The following PTPRM variants were observed in gnomAD, a reference collection of about 807,000 sequenced individuals.
PTPRM encodes the protein protein tyrosine phosphatase receptor type M.
A neutral mutation model predicts 186.7 loss-of-function variants in PTPRM; 47 were observed. The ratio of observed to expected loss-of-function variants is 0.25; its 90% CI spans 0.20 to 0.32. PTPRM has a LOEUF of 0.32. Among genes scored for constraint, PTPRM ranks in the 10% least tolerant of loss-of-function variants. The probability of loss-of-function intolerance (pLI) is 1.00; values close to 1 mark genes in which losing one functional copy is unlikely to be tolerated. For missense variants in PTPRM, 1,494 were observed against 1,865.0 expected, an observed-to-expected ratio of 0.80 and a Z score of 3.66; for synonymous variants, 668 against 674.9, an observed-to-expected ratio of 0.99 and a Z score of 0.16.
intron 24 of PTPRM, among the ~76,000 whole-genome samples, chr18:8,372,393 G>T (rs2095668841): frequency 6.6e-6 from 1 of 152,084 alleles, no homozygotes; most frequent in Non-Finnish European, 1.5e-5. Context: ...TATTCTCACT[G>T]CATCTAAATG....
intron 1 of PTPRM, among the ~76,000 whole-genome samples, chr18:7,603,421 G>A (rs1167452473): frequency 1.3e-5 from 2 of 152,228 alleles, no homozygotes; most frequent in African/African-American, 4.8e-5. Flanking sequence ...GCTAACGTTT[G>A]CAGGGCCCCT....
chr18:8,043,932 T>C (rs900992761), intron 7 of PTPRM, among the ~76,000 whole-genome samples: 3 of 152,150 alleles, frequency 2.0e-5, no homozygotes, highest in African/African-American at 7.2e-5. Context: ...AGCTAGTGCT[T>C]ATAGAAGTTA....
intron 1 of PTPRM, among the ~76,000 whole-genome samples, chr18:7,617,209 T>G (rs916524984): frequency 1.3e-5 from 2 of 152,136 alleles, no homozygotes; most frequent in Non-Finnish European, 2.9e-5. Flanking sequence ...GCACAGGATC[T>G]TTTTCTAAGA....
chr18:7,845,279 G>A (rs2145879322), intron 2 of PTPRM, among the ~76,000 whole-genome samples: 1 of 152,214 alleles, frequency 6.6e-6, no homozygotes, highest in South Asian at 2.1e-4. Context: ...CTTTAATTGT[G>A]TTCAAAATTG....
intron 1 of PTPRM, among the ~76,000 whole-genome samples, chr18:7,756,106 G>A (rs180809922): frequency 2.6e-5 from 4 of 152,168 alleles, no homozygotes; most frequent in African/African-American, 4.8e-5. Flanking sequence ...CAGCAATTCC[G>A]AGTCTGGAGT....
intron 4 of PTPRM, among the ~76,000 whole-genome samples, chr18:7,923,115 G>A (rs1311324087): frequency 6.6e-6 from 1 of 152,220 alleles, no homozygotes. Flanking sequence ...CACAGGCTCA[G>A]AACTGACCAG....
chr18:7,744,308 A>G (rs1222353475), intron 1 of PTPRM, among the ~76,000 whole-genome samples: 1 of 152,192 alleles, frequency 6.6e-6, no homozygotes, highest in Non-Finnish European at 1.5e-5. Context: ...TAGGGCCTTG[A>G]AAGGTGGTGG....
Position 8,069,719 on chromosome 18 carries a change from T to C in PTPRM, c.1166T>C (p.Val389Ala). ...PMRGPRKLEV[V>A]EVKSRQITIR... ...CGAGGCCCAAGAAAACTAGAAGTAG[T>C]GGAGGTCAAATCTCGGCAAATCACT... The change falls in exon 8 of 33, where the codon GTG becomes GCG. Residue 389 changes from valine (V) to alanine (A), a missense_variant. Physicochemically the swap from Val to Ala is moderately conservative, Grantham distance 64. Transcript: ENST00000580170. 6.2e-7 allele frequency: 1 copy of C among 1,613,784 alleles called. No individual in the cohort carries two copies. The highest frequency in any genetic ancestry group is 8.5e-7 in the Non-Finnish European group (1 of 1,179,648).
intron 1 of PTPRM, among the ~76,000 whole-genome samples, chr18:7,767,410 G>T (rs950318813): frequency 6.6e-6 from 1 of 152,116 alleles, no homozygotes; most frequent in African/African-American, 2.4e-5. Flanking sequence ...TTAATATACT[G>T]CTTTAAATGG....
rs116992808 is a variant in PTPRM, at chr18:7,964,901, A to G, written c.1132+9487A>G. On this transcript the variant is annotated intron_variant, in intron 7 of 32. Coordinates refer to ENST00000580170, the MANE Select transcript of PTPRM (RefSeq NM_001105244.2). ...TTCTGCAGGGTGGCAAAAAAATAGAATAACTGCAAATACTTCATTTACATA... is the reference window on the plus strand; with the variant it reads ...TTCTGCAGGGTGGCAAAAAAATAGAGTAACTGCAAATACTTCATTTACATA... Among the ~76,000 whole-genome samples the G allele has an allele frequency of 9.1e-3, 1,392 of 152,296 alleles. 11 individuals carry two copies. The highest frequency in any genetic ancestry group is 0.019 in the South Asian group (92 of 4,828).
At chr18:7,945,007 G>A (rs2052422008) in intron 5 of PTPRM, among the ~76,000 whole-genome samples, 1 of 152,146 alleles carries the variant, frequency 6.6e-6, no homozygotes, top group African/African-American at 2.4e-5. Flanking sequence ...GGTCATCATA[G>A]GAGAGCCCTC....
chr18:7,622,842 C>G (rs2037972577), intron 1 of PTPRM, among the ~76,000 whole-genome samples: 1 of 152,054 alleles, frequency 6.6e-6, no homozygotes, highest in African/African-American at 2.4e-5. Context: ...CTAGGCCCAG[C>G]TTTGTGTATG....
intron 19 of PTPRM, among the ~76,000 whole-genome samples, chr18:8,254,861 C>A (rs1470464686): frequency 1.3e-5 from 2 of 152,246 alleles, no homozygotes; most frequent in Non-Finnish European, 2.9e-5. Context: ...CATAGACACA[C>A]TTTGCTCTGC....
At chr18:8,239,128 A>G (rs1236709054) in intron 14 of PTPRM, among the ~76,000 whole-genome samples, 1 of 138,990 alleles carries the variant, frequency 7.2e-6, no homozygotes, top group Non-Finnish European at 1.6e-5. Context: ...TATATCTCCT[A>G]ATGCTATCCC....
At chr18:7,966,546 G>C (rs1047443445) in intron 7 of PTPRM, among the ~76,000 whole-genome samples, 1 of 150,196 alleles carries the variant, frequency 6.7e-6, no homozygotes, top group African/African-American at 2.4e-5. Context: ...CTGAGGTACC[G>C]GGTTCATCTC....
chr18:8,296,107 G>A (rs1311125494), intron 19 of PTPRM, among the ~76,000 whole-genome samples: 29 of 152,070 alleles, frequency 1.9e-4, no homozygotes, highest in Non-Finnish European at 3.1e-4. Flanking sequence ...ATTTTTACTC[G>A]GTTATACAGA....
intron 1 of PTPRM, among the ~76,000 whole-genome samples, chr18:7,760,486 G>A (rs537170083): frequency 4.4e-4 from 67 of 152,308 alleles, no homozygotes; most frequent in African/African-American, 1.6e-3. Context: ...AAGGGCCTGC[G>A]CTGGGTTCGC....
At chr18:8,213,170 T>C (rs1049536085) in intron 14 of PTPRM, among the ~76,000 whole-genome samples, 2 of 152,226 alleles carry the variant, frequency 1.3e-5, no homozygotes, top group African/African-American at 4.8e-5. Context: ...TTGTTATAGA[T>C]GTTTAATCAC....
chr18:7,990,625 G>T (rs1398127146), intron 7 of PTPRM, among the ~76,000 whole-genome samples: 1 of 152,124 alleles, frequency 6.6e-6, no homozygotes, highest in Non-Finnish European at 1.5e-5. Context: ...ATGCTGATTG[G>T]CATTGATTCA....
Sources: allele counts gnomAD v4.1 joint callset (sites outside exome capture counted in the v4.1 genomes callset), GRCh38; gene constraint gnomAD v4.1.1; transcripts MANE v1.5; gene names NCBI Gene and HGNC (gene_info 2026-07-23, HGNC 2026-07-21).